TMEM87A: variants seen among roughly 807,000 people sequenced by gnomAD.
TMEM87A encodes Golgi-pH regulating cation channel.
In TMEM87A, 50 loss-of-function variants were observed where a neutral mutation model predicts 90.0. The ratio of observed to expected loss-of-function variants is 0.56; its 90% CI spans 0.44 to 0.70. TMEM87A has a LOEUF of 0.70. Among genes scored for constraint, TMEM87A ranks in the 30% least tolerant of loss-of-function variants. The probability of loss-of-function intolerance (pLI) is 0.00; values close to 1 mark genes in which losing one functional copy is unlikely to be tolerated. For missense variants in TMEM87A, 577 were observed against 660.5 expected, an observed-to-expected ratio of 0.87 and a Z score of 1.39; for synonymous variants, 226 against 226.7, an observed-to-expected ratio of 1.00 and a Z score of 0.03.
intron 12 of TMEM87A, among the ~76,000 whole-genome samples, chr15:42,230,447 A>G (rs572816392): frequency 1.4e-3 from 210 of 152,352 alleles, no homozygotes; most frequent in African/African-American, 4.9e-3. Context: ...GAAAACTGCT[A>G]ATAGGACCAA....
intron 12 of TMEM87A, among the ~76,000 whole-genome samples, 170 bp from the exon 13 acceptor site, chr15:42,228,990 G>C (rs1678986): frequency 0.69 from 104,810 of 151,952 alleles, 40,011 homozygotes; most frequent in Non-Finnish European, 0.86. Flanking sequence ...AGATGAATAA[G>C]AAAGTCATCA....
At position 42,245,003 on chromosome 15, in the gene TMEM87A, T is replaced by C. The variant is rs77779494; in HGVS notation, c.505-836A>G. Reference sequence around the variant, plus strand: ...GTTTATGCATTTTCCTGTGGAGCCATAGTTCTCCTCAAATGGTTAAAATAT... The same window carrying C: ...GTTTATGCATTTTCCTGTGGAGCCACAGTTCTCCTCAAATGGTTAAAATAT... On this transcript the variant is annotated intron_variant, in intron 6 of 19. Coordinates refer to ENST00000389834, the MANE Select transcript of TMEM87A (RefSeq NM_015497.5). 5.1e-3 allele frequency among the ~76,000 whole-genome samples: 783 copies of C among 152,050 alleles called. 4 individuals are homozygous for C. Among genetic ancestry groups the C allele is most frequent in the African/African-American group, 0.018 (751 of 41,524 alleles).
intron 15 of TMEM87A, among the ~76,000 whole-genome samples, chr15:42,222,780 G>A (rs751547210): frequency 5.9e-5 from 9 of 151,710 alleles, no homozygotes; most frequent in Non-Finnish European, 1.2e-4. Context: ...GGCTGGTCTC[G>A]AACTCCTGAC....
At chr15:42,226,971 C>T (rs1005436781) in intron 14 of TMEM87A, 62 bp from the exon 15 acceptor site, 2 of 1,499,060 alleles carry the variant, frequency 1.3e-6, no homozygotes, top group South Asian at 2.3e-5. Flanking sequence ...GTTCATAAAG[C>T]CTTTGGCATA....
chr15:42,220,569 A>G (rs112921492), intron 15 of TMEM87A, among the ~76,000 whole-genome samples: 66 of 152,366 alleles, frequency 4.3e-4, no homozygotes, highest in African/African-American at 1.3e-3. Flanking sequence ...GTAAATTCTC[A>G]TCTAATTTAA....
intron 14 of TMEM87A, 53 bp downstream of exon 14, chr15:42,227,658 C>CAGTCAT: frequency 6.6e-7 from 1 of 1,515,988 alleles, no homozygotes; most frequent in Non-Finnish European, 9.2e-7. Flanking sequence ...GTCATCAACA[C>CAGTCAT]CATCAGTTGT....
At chr15:42,230,788 G>A (rs1249084916) in intron 12 of TMEM87A, among the ~76,000 whole-genome samples, 1 of 152,112 alleles carries the variant, frequency 6.6e-6, no homozygotes, top group East Asian at 1.9e-4. Flanking sequence ...AAATTTTAAG[G>A]ATCAAAATCT....
chr15:42,226,193 TTC>T (rs1453660146), intron 15 of TMEM87A, among the ~76,000 whole-genome samples: 2 of 152,018 alleles, frequency 1.3e-5, no homozygotes, highest in Non-Finnish European at 2.9e-5. Context: ...AGAGACGGGG[TTC>T]CGCCACGGTG....
intron 6 of TMEM87A, among the ~76,000 whole-genome samples, chr15:42,248,543 T>C (rs1196464794): frequency 2.0e-5 from 3 of 152,328 alleles, no homozygotes; most frequent in East Asian, 1.9e-4. Flanking sequence ...GAGATAATCA[T>C]GTGGTTTTTG....
chr15:42,267,476 T>C (rs1018576169), intron 3 of TMEM87A, among the ~76,000 whole-genome samples: 11 of 152,204 alleles, frequency 7.2e-5, no homozygotes, highest in Non-Finnish European at 1.5e-4. Context: ...CATTATTTTC[T>C]ACATGTACTT....
chr15:42,241,663 T>G (rs1248594056), intron 7 of TMEM87A, among the ~76,000 whole-genome samples: 1 of 151,940 alleles, frequency 6.6e-6, no homozygotes, highest in Non-Finnish European at 1.5e-5. Flanking sequence ...ATGTATCTTC[T>G]CCATTCCAAA....
At chr15:42,214,246 AAAG>A (rs934655326) in intron 19 of TMEM87A, among the ~76,000 whole-genome samples, 4 of 152,174 alleles carry the variant, frequency 2.6e-5, no homozygotes, top group African/African-American at 9.7e-5. Flanking sequence ...CCAGGTACTT[AAAG>A]ACAAAGTAAC....
chr15:42,221,527 A>G (rs1409493349), intron 15 of TMEM87A, among the ~76,000 whole-genome samples: 1 of 152,134 alleles, frequency 6.6e-6, no homozygotes, highest in African/African-American at 2.4e-5. Context: ...TTAAGTTCCA[A>G]TCAAAATCTT....
chr15:42,212,273 A>G (rs1026614921), intron 19 of TMEM87A, among the ~76,000 whole-genome samples: 2 of 152,174 alleles, frequency 1.3e-5, no homozygotes, highest in Non-Finnish European at 2.9e-5. Context: ...TAATTAATGT[A>G]CTACCCTTAA....
At chr15:42,264,700 T>TATATATATATA (rs35725330) in intron 3 of TMEM87A, among the ~76,000 whole-genome samples, 2 of 5,154 alleles carry the variant, frequency 3.9e-4, no homozygotes, top group Non-Finnish European at 5.0e-3. Context: ...TATATATATA[T>TATATATATATA]TTTTTTTTTA....
At chr15:42,226,343 T>C (rs2050593281) in intron 15 of TMEM87A, among the ~76,000 whole-genome samples, 1 of 152,100 alleles carries the variant, frequency 6.6e-6, no homozygotes, top group African/African-American at 2.4e-5. Context: ...TAAAGTGTTT[T>C]TAAATTAACG....
At chr15:42,264,699 A>ATATATATATATATTTT (rs10681614) in intron 3 of TMEM87A, among the ~76,000 whole-genome samples, 144 of 109,422 alleles carry the variant, frequency 1.3e-3, no homozygotes, top group African/African-American at 2.9e-3. Context: ...ATATATATAT[A>ATATATATATATATTTT]TTTTTTTTTT....
intron 8 of TMEM87A, among the ~76,000 whole-genome samples, chr15:42,238,621 C>A (rs889853132): frequency 6.6e-6 from 1 of 151,876 alleles, no homozygotes; most frequent in Admixed American, 6.6e-5. Flanking sequence ...TAGTGGCACA[C>A]GCCTGTTGTC....
Position 42,266,164 on chromosome 15 carries a change from G to A in TMEM87A, c.291+1783C>T, listed in dbSNP as rs114752962. On this transcript the variant is annotated intron_variant, in intron 3 of 19. Transcript: ENST00000389834. ...ATTCTTTGAGCAATATATTTTCAAC[G>A]CTCAAGTATTCTAGATTATGGCAAT... is the stretch of plus-strand genomic sequence containing the variant. Among the ~76,000 whole-genome samples, 1,096 of 152,238 alleles carry A rather than the reference G, an allele frequency of 7.2e-3. 11 individuals are homozygous for A. Among genetic ancestry groups the A allele is most frequent in the African/African-American group, 0.025 (1,053 of 41,550 alleles).
Sources: gnomAD v4.1 joint callset for allele counts (sites outside exome capture counted in the v4.1 genomes callset) on GRCh38, gnomAD v4.1.1 for gene constraint, MANE v1.5 for transcripts, NCBI Gene and HGNC (gene_info 2026-07-23, HGNC 2026-07-21) for gene names.